GALNTL6: variants seen among roughly 807,000 people sequenced by gnomAD.
GALNTL6 encodes the protein polypeptide N-acetylgalactosaminyltransferase like 6.
GALNTL6 carries 46 observed loss-of-function variants against 73.7 expected under a neutral mutation model. The observed-to-expected ratio is 0.62, with a 90% confidence interval of 0.49 to 0.80. GALNTL6 has a LOEUF of 0.80. GALNTL6 is among the 30% of genes least tolerant of loss of function. The pLI is 0.00. For missense variants in GALNTL6, 604 were observed against 755.0 expected, an observed-to-expected ratio of 0.80 and a Z score of 2.34; for synonymous variants, 259 against 263.7, an observed-to-expected ratio of 0.98 and a Z score of 0.17.
chr4:172,961,941 G>A (rs1283128543), intron 10 of GALNTL6, among the ~76,000 whole-genome samples: 2 of 152,236 alleles, frequency 1.3e-5, no homozygotes, highest in Non-Finnish European at 2.9e-5. Flanking sequence ...CAAGCTTTGT[G>A]TGAGCAACAA....
intron 2 of GALNTL6, among the ~76,000 whole-genome samples, chr4:171,882,040 TC>T (rs1387077107): frequency 6.6e-6 from 1 of 152,238 alleles, no homozygotes; most frequent in Non-Finnish European, 1.5e-5. Context: ...TTCCCTTATT[TC>T]ACTCTCTAGT....
intron 8 of GALNTL6, among the ~76,000 whole-genome samples, chr4:172,921,562 G>A (rs967530760): frequency 3.9e-5 from 6 of 152,128 alleles, no homozygotes; most frequent in Admixed American, 1.3e-4. Flanking sequence ...TTGGGAGGCC[G>A]AGGCAGGTGG....
At chr4:172,602,049 A>T (rs1176748400) in intron 5 of GALNTL6, among the ~76,000 whole-genome samples, 1 of 152,174 alleles carries the variant, frequency 6.6e-6, no homozygotes, top group Non-Finnish European at 1.5e-5. Flanking sequence ...TGAAGACAAT[A>T]AAATGAAACT....
At chr4:172,562,044 AT>A (rs1046886084) in intron 5 of GALNTL6, among the ~76,000 whole-genome samples, 15 of 152,220 alleles carry the variant, frequency 9.9e-5, no homozygotes, top group Admixed American at 6.5e-4. Context: ...ATGAACCTAA[AT>A]TTTTTTATTC....
At chr4:171,918,886 A>G (rs928433604) in intron 2 of GALNTL6, among the ~76,000 whole-genome samples, 3 of 152,162 alleles carry the variant, frequency 2.0e-5, no homozygotes, top group Non-Finnish European at 4.4e-5. Flanking sequence ...TAAGCCCGTC[A>G]CAGAAAGACA....
chr4:172,647,333 G>T (rs776705531), intron 5 of GALNTL6, among the ~76,000 whole-genome samples: 6 of 152,026 alleles, frequency 3.9e-5, no homozygotes, highest in Non-Finnish European at 8.8e-5. Flanking sequence ...CTCAGGCCTC[G>T]ACTCATCAGT....
intron 2 of GALNTL6, among the ~76,000 whole-genome samples, chr4:171,900,179 G>T (rs895699752): frequency 4.6e-5 from 7 of 152,092 alleles, no homozygotes; most frequent in African/African-American, 1.7e-4. Context: ...AAAAGATGGG[G>T]TTCATCGTCT....
intron 5 of GALNTL6, among the ~76,000 whole-genome samples, chr4:172,642,397 G>A (rs1740030378): frequency 6.6e-6 from 1 of 151,846 alleles, no homozygotes; most frequent in Non-Finnish European, 1.5e-5. Context: ...GTATGATTCA[G>A]CCTTAAAAAA....
chr4:172,266,158 A>T (rs1738443794), intron 3 of GALNTL6: 1 of 152,128 alleles, frequency 6.6e-6, no homozygotes, highest in Non-Finnish European at 1.5e-5. Context: ...ACTAGGGAGA[A>T]CTTACTGTGG....
At chr4:173,039,821 CAAT>C in intron 12 of GALNTL6, 109 bp from the exon 13 acceptor site, 1 of 816,910 alleles carries the variant, frequency 1.2e-6, no homozygotes, top group Non-Finnish European at 1.9e-6. Flanking sequence ...TCTATTTACA[CAAT>C]AAATATATAC....
intron 12 of GALNTL6, among the ~76,000 whole-genome samples, chr4:173,032,554 G>T (rs1163819804): frequency 1.3e-5 from 2 of 152,170 alleles, no homozygotes; most frequent in Non-Finnish European, 2.9e-5. Flanking sequence ...GTGTGTGGTG[G>T]CAGCACGCAT....
At chr4:172,113,806 T>C (rs1004575333) in intron 2 of GALNTL6, among the ~76,000 whole-genome samples, 2 of 152,130 alleles carry the variant, frequency 1.3e-5, no homozygotes, top group Non-Finnish European at 2.9e-5. Context: ...TCCAGCACGA[T>C]GCTTTTTGAT....
At chr4:172,508,359 G>A (rs112429191) in intron 5 of GALNTL6, among the ~76,000 whole-genome samples, 1,691 of 55,210 alleles carry the variant, frequency 0.031, 663 homozygotes, top group East Asian at 0.2. Context: ...CAAGAAGTTC[G>A]ATGATGACAT....
intron 10 of GALNTL6, among the ~76,000 whole-genome samples, chr4:172,966,934 A>G (rs1406078172): frequency 6.6e-6 from 1 of 152,234 alleles, no homozygotes; most frequent in Non-Finnish European, 1.5e-5. Context: ...AGACCTTTTT[A>G]GCAACCTCAA....
Position 172,813,797 on chromosome 4 carries a change from G to T in GALNTL6, c.923+74G>T, listed in dbSNP as rs1741450830. 2.6e-6 allele frequency: 3 copies of T among 1,150,792 alleles called. No individual in the cohort carries two copies. In the East Asian group the frequency reaches 7.4e-5, roughly 28 times the overall value. 71.3% of individuals were successfully genotyped at this position (1,150,792 alleles called of 1,614,324 possible). On this transcript the variant is annotated intron_variant, in intron 7 of 12. Coordinates refer to ENST00000506823, the MANE Select transcript of GALNTL6 (RefSeq NM_001034845.3). ...ATTGCAGTGTTAAACCTGGGCTCAA[G>T]AAGACAATTATCTCTAACAAAATGG...
intron 5 of GALNTL6, among the ~76,000 whole-genome samples, chr4:172,721,155 T>G (rs1662302232): frequency 6.6e-6 from 1 of 152,230 alleles, no homozygotes; most frequent in Non-Finnish European, 1.5e-5. Context: ...GAATCTAAAA[T>G]GTTATGGCAT....
At chr4:171,821,365 T>C (rs1026957452) in intron 2 of GALNTL6, among the ~76,000 whole-genome samples, 8 of 151,986 alleles carry the variant, frequency 5.3e-5, no homozygotes, top group Admixed American at 5.2e-4. Context: ...CTGACATGTC[T>C]CCCCAGCTGG....
intron 5 of GALNTL6, chr4:172,668,124 GAA>G (rs1044050058): frequency 2.0e-4 from 30 of 152,096 alleles, no homozygotes; most frequent in African/African-American, 7.0e-4. Context: ...TAGAAAGCAT[GAA>G]AAAAGATATT....
At chr4:172,132,796 A>G (rs1481476032) in intron 2 of GALNTL6, among the ~76,000 whole-genome samples, 2 of 152,164 alleles carry the variant, frequency 1.3e-5, no homozygotes, top group Non-Finnish European at 2.9e-5. Flanking sequence ...TTGAAGAAAA[A>G]AATCTTACTC....
Sources: allele counts gnomAD v4.1 joint callset (sites outside exome capture counted in the v4.1 genomes callset), GRCh38; gene constraint gnomAD v4.1.1; transcripts MANE v1.5; gene names NCBI Gene and HGNC (gene_info 2026-07-23, HGNC 2026-07-21).